The following NKAIN1 variants were observed in gnomAD, a reference collection of about 807,000 sequenced individuals.
NKAIN1 encodes sodium/potassium-transporting ATPase subunit beta-1-interacting protein 1.
In NKAIN1, 13 loss-of-function variants were observed where a neutral mutation model predicts 31.6. The observed-to-expected ratio is 0.41, with a 90% confidence interval of 0.27 to 0.65. NKAIN1 has a LOEUF of 0.65. Among genes scored for constraint, NKAIN1 ranks in the 30% least tolerant of loss-of-function variants. The pLI, the probability that NKAIN1 is intolerant of heterozygous loss-of-function variation, is 0.30. For synonymous variants in NKAIN1, 104 were observed against 109.0 expected, an observed-to-expected ratio of 0.95 and a Z score of 0.28; for missense variants, 193 against 262.2, an observed-to-expected ratio of 0.74 and a Z score of 1.82.
intron 1 of NKAIN1, among the ~76,000 whole-genome samples, chr1:31,199,021 T>C (rs983254433): frequency 2.0e-5 from 3 of 152,220 alleles, no homozygotes; most frequent in African/African-American, 4.8e-5. Context: ...GCCAGCCAAT[T>C]TGGCAAGTCA....
At chr1:31,232,114 G>T (rs1304865894) in intron 1 of NKAIN1, among the ~76,000 whole-genome samples, 1 of 148,302 alleles carries the variant, frequency 6.7e-6, no homozygotes, top group East Asian at 2.0e-4. Flanking sequence ...TTTTTGAGAC[G>T]GAGTTTCGCT....
At chr1:31,215,027 C>T (rs1271887194) in intron 1 of NKAIN1, among the ~76,000 whole-genome samples, 4 of 152,172 alleles carry the variant, frequency 2.6e-5, no homozygotes, top group Non-Finnish European at 5.9e-5. Context: ...GGAAGGAGCC[C>T]GGAGGTCATT....
intron 1 of NKAIN1, among the ~76,000 whole-genome samples, chr1:31,223,485 G>A (rs1645579496): frequency 6.6e-6 from 1 of 152,008 alleles, no homozygotes; most frequent in Non-Finnish European, 1.5e-5. Context: ...CTGTCGCCCA[G>A]GCTGGATGGA....
At chr1:31,202,131 C>T (rs1645384727) in intron 1 of NKAIN1, among the ~76,000 whole-genome samples, 1 of 152,300 alleles carries the variant, frequency 6.6e-6, no homozygotes, top group Admixed American at 6.5e-5. Flanking sequence ...CAGCAGCAGG[C>T]TCCTGGCCTC....
At chr1:31,181,809 C>A (rs1645200352) in intron 6 of NKAIN1, 51 bp downstream of exon 6, 1 of 1,570,194 alleles carries the variant, frequency 6.4e-7, no homozygotes, top group Non-Finnish European at 8.6e-7. Context: ...CCCTCCTTTT[C>A]GCAACCCCGA....
chr1:31,202,533 C>T (rs1357928009), intron 1 of NKAIN1, among the ~76,000 whole-genome samples: 4 of 149,974 alleles, frequency 2.7e-5, no homozygotes, highest in East Asian at 2.0e-4. Flanking sequence ...AAAAACTAGC[C>T]GGGTGTGGTG....
At chr1:31,192,060 G>A (rs1006554901) in intron 1 of NKAIN1, among the ~76,000 whole-genome samples, 2 of 152,160 alleles carry the variant, frequency 1.3e-5, no homozygotes, top group African/African-American at 2.4e-5. Context: ...ACAGACATAA[G>A]CCACTGCGCT....
At chr1:31,218,308 C>T (rs779583471) in intron 1 of NKAIN1, among the ~76,000 whole-genome samples, 3 of 151,984 alleles carry the variant, frequency 2.0e-5, no homozygotes, top group Non-Finnish European at 4.4e-5. Flanking sequence ...ATGATCCTCC[C>T]GCCTCAGCCT....
chr1:31,193,460 G>GC (rs1035158749), intron 1 of NKAIN1, among the ~76,000 whole-genome samples: 3 of 151,966 alleles, frequency 2.0e-5, no homozygotes, highest in Admixed American at 6.6e-5. Context: ...ACTTTGGGAG[G>GC]CCAAGGTGGG....
chr1:31,190,105 C>G (rs1292935243), intron 1 of NKAIN1, among the ~76,000 whole-genome samples: 2 of 152,174 alleles, frequency 1.3e-5, no homozygotes, highest in African/African-American at 4.8e-5. Flanking sequence ...AGAAGAGGGT[C>G]TGGCTGGGGA....
chr1:31,225,325 CTTTTTTTTTT>C (rs139451212), intron 1 of NKAIN1, among the ~76,000 whole-genome samples: 2 of 52,164 alleles, frequency 3.8e-5, no homozygotes, highest in East Asian at 5.7e-4. Context: ...CATGCCCGGC[CTTTTTTTTTT>C]TTTTTTTTTT....
Position 31,185,255 on chromosome 1 carries a change from G to A in NKAIN1, c.265C>T (p.Leu89=), listed in dbSNP as rs747365079. The change falls in exon 3 of 7, where the codon CTG becomes TTG. Residue 89 remains leucine (L), a synonymous_variant. Transcript: ENST00000373736. ...CCAGGTCTGAGGCTTACCTGGGACA[G>A]CTGTCCAACCTCCAAGTAGAAGCAG... ...IICFYLEVGQ[L]SQDRDFIMTF... is the part of the protein sequence containing the mutation. 1.2e-6 allele frequency: 2 copies of A among 1,608,352 alleles called. No individual in the cohort carries two copies. The highest frequency in any genetic ancestry group is 1.1e-5 in the South Asian group (1 of 89,714).
In NKAIN1 at chr1:31,239,487, C is replaced by A; in HGVS notation, c.54+7G>T. 2 of 1,439,752 alleles carry A rather than the reference C, an allele frequency of 1.4e-6. No individual in the cohort carries two copies. Among genetic ancestry groups the A allele is most frequent in the East Asian group, 3.0e-5 (1 of 32,954 alleles). 89.2% of individuals were successfully genotyped at this position (1,439,752 alleles called of 1,614,324 possible). A position where few individuals can be genotyped will look rare whatever the true frequency, so the allele number is the denominator to read the frequency against. On this transcript the variant is annotated splice_region_variant and intron_variant, in intron 1 of 6. Transcript: ENST00000373736. This position sits in a 1 kb window ranked among gnomAD's most constrained non-coding sequence, Gnocchi z 4.8. The stretch of plus-strand genomic sequence containing the variant: ...CTGCCCCGACTGCCTGGGCACGCGA[C>A]GCTTACCAGCTGCAGGCAGCAGAAG...
intron 1 of NKAIN1, among the ~76,000 whole-genome samples, chr1:31,200,045 A>ACACACACACATGCATG (rs1553162448): frequency 1.3e-5 from 2 of 151,342 alleles, no homozygotes; most frequent in Admixed American, 1.3e-4. Flanking sequence ...ACACATGCAC[A>ACACACACACATGCATG]CGTGCACACA....
chr1:31,202,570 A>C (rs10914318), intron 1 of NKAIN1, among the ~76,000 whole-genome samples: 1 of 150,378 alleles, frequency 6.6e-6, no homozygotes, highest in Non-Finnish European at 1.5e-5. Flanking sequence ...CCAGCTACTC[A>C]GGAGGCTGAG....
At chr1:31,201,386 T>A (rs1462355489) in intron 1 of NKAIN1, among the ~76,000 whole-genome samples, 4 of 139,768 alleles carry the variant, frequency 2.9e-5, no homozygotes, top group African/African-American at 1.1e-4. Flanking sequence ...TGAGACGGAG[T>A]CTCTCTCTGT....
rs369336386 is a variant in NKAIN1 at position 31,216,690 on chromosome 1, T to TTTTATCTATTTATTTA, written c.54+22803_54+22804insTAAATAAATAGATAAA. The stretch of plus-strand genomic sequence containing the variant: ...TCCTAGGAACGCCTGTGGCATTGAC[T>TTTTATCTATTTATTTA]TTTATTTATTTATTTATTTATTTAT... On this transcript the variant is annotated intron_variant, in intron 1 of 6. Transcript: ENST00000373736. 5.6e-4 allele frequency among the ~76,000 whole-genome samples: 79 copies of TTTTATCTATTTATTTA among 140,570 alleles called. 1 individual carries two copies. The East Asian group carries it at 6.7e-3, about 12-fold the overall frequency. 92.2% of individuals were successfully genotyped at this position (140,570 alleles called of 152,430 possible). A position where few individuals can be genotyped will look rare whatever the true frequency, so the allele number is the denominator to read the frequency against.
At chr1:31,182,077 G>T in intron 5 of NKAIN1, 136 bp from the exon 6 acceptor site, 2 of 867,774 alleles carry the variant, frequency 2.3e-6, no homozygotes. Context: ...GAGGAGGGGA[G>T]GGGCGAGGGT....
At chr1:31,203,926 C>A (rs1405866686) in intron 1 of NKAIN1, among the ~76,000 whole-genome samples, 2 of 152,138 alleles carry the variant, frequency 1.3e-5, no homozygotes, top group Non-Finnish European at 2.9e-5. Flanking sequence ...CATTCAAAGA[C>A]AAAACTGATG....
Sources: gnomAD v4.1 joint callset for allele counts (sites outside exome capture counted in the v4.1 genomes callset) on GRCh38, gnomAD v4.1.1 for gene constraint, Gnocchi (gnomAD v3.1) non-coding constraint, MANE v1.5 for transcripts, NCBI Gene and HGNC (gene_info 2026-07-23, HGNC 2026-07-21) for gene names.